Variants in XAF1 observed in about 807,000 individuals in gnomAD.
XAF1 encodes the protein XIAP associated factor 1, also known as XIAP-associated factor 1.
In XAF1, 32 loss-of-function variants were observed where a neutral mutation model predicts 32.3. The observed-to-expected ratio is 0.99, with a 90% CI of 0.75 to 1.33. XAF1 has a LOEUF of 1.33. Among genes scored for constraint, XAF1 ranks in the 40% most tolerant of loss-of-function variants. The pLI, the probability that XAF1 is intolerant of heterozygous loss-of-function variation, is 0.00. For missense variants in XAF1, 379 were observed against 366.0 expected (o/e 1.04, Z -0.29); for synonymous variants, 120 against 125.9 (o/e 0.95, Z 0.31).
intron 4 of XAF1, among the ~76,000 whole-genome samples, chr17:6,761,198 G>A (rs757858015): frequency 2.0e-5 from 3 of 152,100 alleles, no homozygotes; most frequent in African/African-American, 4.8e-5. Flanking sequence ...GGAAACAGGA[G>A]GCTTTCTTTG....
At chr17:6,756,261 G>A in intron 1 of XAF1, 151 bp downstream of exon 1, 1 of 1,422,936 alleles carries the variant, frequency 7.0e-7, no homozygotes, top group Non-Finnish European at 9.3e-7. Context: ...CCAAGGGTAG[G>A]AGGGTTTAAA....
chr17:6,758,626 G>A, intron 2 of XAF1: 1 of 345,660 alleles, frequency 2.9e-6, no homozygotes. Context: ...CTCCCTGCAG[G>A]TGAGATGGGG....
chr17:6,761,062 G>A (rs915021898), intron 4 of XAF1, among the ~76,000 whole-genome samples: 1 of 152,184 alleles, frequency 6.6e-6, no homozygotes, highest in Admixed American at 6.5e-5. Flanking sequence ...ACTGAGGCAG[G>A]AGAATCACTT....
At chr17:6,765,257 C>T (rs1975515968) in intron 5 of XAF1, among the ~76,000 whole-genome samples, 1 of 152,068 alleles carries the variant, frequency 6.6e-6, no homozygotes, top group Admixed American at 6.5e-5. Flanking sequence ...ACTAAAAATA[C>T]AAAAACTTAG....
chr17:6,770,573 A>G, intron 5 of XAF1, 70 bp from the exon 6 acceptor site: 1 of 1,248,102 alleles, frequency 8.0e-7, no homozygotes, highest in Non-Finnish European at 1.1e-6. Context: ...TGTGTTATCT[A>G]GTCTACTGTA....
Position 6,758,225 on chromosome 17 carries a change from G to T in XAF1, c.168+1G>T, listed in dbSNP as rs538724648. 3 of 1,614,142 alleles carry T rather than the reference G, an allele frequency of 1.9e-6. No individual in the cohort carries two copies. The highest frequency in any genetic ancestry group is 2.7e-5 in the African/African-American group (2 of 75,050). On this transcript the variant is annotated splice_donor_variant, in intron 2 of 6. Coordinates refer to ENST00000361842, the MANE Select transcript of XAF1 (RefSeq NM_017523.5). LOFTEE classifies it high-confidence loss of function. ...GCACTGCAAGCTTGAGCACCAGCAG[G>T]TGAGGAGGCGGCAGGGAGGATGGGG...
At chr17:6,761,982 G>A in intron 4 of XAF1, 173 bp from the exon 5 acceptor site, 1 of 1,532,712 alleles carries the variant, frequency 6.5e-7, no homozygotes. Flanking sequence ...GGGTGATTCG[G>A]CCAAGAGTTG....
chr17:6,773,393 CA>C lies in XAF1; in HGVS notation c.*227del. On this transcript the variant is annotated 3_prime_UTR_variant, in exon 7 of 7. Transcript: ENST00000361842. ...TTGACTTCATGTTAAAAACCCTCAA[CA>C]AACCAGGCGTCGAAGGAACATACCT... 1.9e-5 allele frequency: 9 copies of C among 469,546 alleles called. No homozygotes were observed. The South Asian group carries it at 2.3e-4, about 12-fold the overall frequency. 29.1% of individuals were successfully genotyped at this position (469,546 alleles called of 1,614,324 possible).
intron 6 of XAF1, among the ~76,000 whole-genome samples, chr17:6,772,393 A>G (rs1976101729): frequency 6.6e-6 from 1 of 151,752 alleles, no homozygotes; most frequent in Non-Finnish European, 1.5e-5. Context: ...ACCACCATAC[A>G]AACATACACA....
At chr17:6,773,029 A>T in intron 6 of XAF1, 84 bp from the exon 7 acceptor site, 1 of 1,231,328 alleles carries the variant, frequency 8.1e-7, no homozygotes, top group Admixed American at 2.2e-5. Context: ...CTCTGTAACA[A>T]GGGACAGCAA....
At chr17:6,767,689 TC>T (rs1372452268) in intron 5 of XAF1, among the ~76,000 whole-genome samples, 1 of 152,176 alleles carries the variant, frequency 6.6e-6, no homozygotes, top group Non-Finnish European at 1.5e-5. Flanking sequence ...ACAATAATTT[TC>T]CCCCATCGTT....
At position 6,775,295 on chromosome 17, in the gene XAF1, G is replaced by A. The variant is rs1976348515; in HGVS notation, c.*2126G>A. ...TACCTGAGGTCGGAGCATGGAAGGA[G>A]GGTGAGGATCAAAAAACTACCTATC... is the stretch of plus-strand genomic sequence containing the variant. On this transcript the variant is annotated 3_prime_UTR_variant, in exon 7 of 7. Transcript: ENST00000361842. The A allele has an allele frequency of 6.6e-6, 1 of 152,150 alleles. No individual in the cohort carries two copies. Among genetic ancestry groups the A allele is most frequent in the South Asian group, 2.1e-4 (1 of 4,826 alleles). The allele number at this position is 152,150 out of a possible 1,614,324, so 9.4% of individuals were successfully genotyped here.
intron 1 of XAF1, 44 bp downstream of exon 1, chr17:6,756,154 G>A (rs1974636245): frequency 6.2e-7 from 1 of 1,613,688 alleles, no homozygotes. Context: ...GCTGGCGAGG[G>A]AGAGACGTAG....
chr17:6,767,295 C>A (rs1975690671), intron 5 of XAF1, among the ~76,000 whole-genome samples: 2 of 152,136 alleles, frequency 1.3e-5, no homozygotes, highest in Non-Finnish European at 2.9e-5. Context: ...CCAGATACAA[C>A]AGTTGTTGTT....
chr17:6,757,415 T>A (rs2151523930), intron 1 of XAF1: 1 of 152,326 alleles, frequency 6.6e-6, no homozygotes, highest in East Asian at 1.9e-4. Flanking sequence ...CCTCGGAGTC[T>A]CTGTGAGTTA....
At chr17:6,772,344 C>T (rs181583911) in intron 6 of XAF1, among the ~76,000 whole-genome samples, 160 of 151,692 alleles carry the variant, frequency 1.1e-3, no homozygotes, top group Admixed American at 3.3e-3. Context: ...TAAAATTTAA[C>T]CAGGACACCC....
chr17:6,762,130 T>G (rs1241139054), intron 4 of XAF1, 25 bp from the exon 5 acceptor site: 1 of 1,612,002 alleles, frequency 6.2e-7, no homozygotes, highest in Non-Finnish European at 8.5e-7. Context: ...CAATCATTTG[T>G]GGTGTTGTTT....
rs1975726264 is a variant in XAF1 at position 6,767,786 on chromosome 17, T to C, written c.508-2857T>C. 2.6e-5 allele frequency among the ~76,000 whole-genome samples: 4 copies of C among 152,066 alleles called. No individual in the cohort carries two copies. The South Asian group carries it at 8.3e-4, about 32-fold the overall frequency. On this transcript the variant is annotated intron_variant, in intron 5 of 6. Transcript: ENST00000361842. ...CTGCTTGCTTCTCCCTTGTATTCTA[T>C]TGGATTGAGCAAGATTTCTTTATTC...
rs1255405430 is a variant in XAF1, at chr17:6,758,521, TC to T, written c.168+298del. Reference sequence around the variant, plus strand: ...GGGAGTCAAGGCGAGTGTTCAGTCCTCTCTGCAGGACAGATGGGGTCTGAGA... The same window carrying T: ...GGGAGTCAAGGCGAGTGTTCAGTCCTTCTGCAGGACAGATGGGGTCTGAGA... On this transcript the variant is annotated intron_variant, in intron 2 of 6. Transcript: ENST00000361842. The T allele has an allele frequency of 7.2e-6, 3 of 418,868 alleles. No homozygotes were observed. In the African/African-American group the frequency reaches 9.2e-5, roughly 13 times the overall value. The allele number at this position is 418,868 out of a possible 1,614,324, so 25.9% of individuals were successfully genotyped here.
Sources: gnomAD v4.1 joint callset for allele counts (sites outside exome capture counted in the v4.1 genomes callset) on GRCh38, gnomAD v4.1.1 for gene constraint, MANE v1.5 for transcripts, NCBI Gene and HGNC (gene_info 2026-07-23, HGNC 2026-07-21) for gene names.